The following ADGRB3 variants were observed in gnomAD, a reference collection of about 807,000 sequenced individuals.
ADGRB3 encodes the protein adhesion G protein-coupled receptor B3.
Under a neutral mutation model 193.4 loss-of-function variants are expected in ADGRB3, and 37 were observed. The ratio of observed to expected loss-of-function variants is 0.19; its 90% CI spans 0.15 to 0.25. ADGRB3 has a LOEUF of 0.25. ADGRB3 is among the 10% of genes least tolerant of loss of function. The pLI, the probability that ADGRB3 is intolerant of heterozygous loss-of-function variation, is 1.00. For missense variants in ADGRB3, 1,637 were observed against 1,852.9 expected, an observed-to-expected ratio of 0.88 and a Z score of 2.14; for synonymous variants, 690 against 644.2, an observed-to-expected ratio of 1.07 and a Z score of -1.08.
chr6:69,316,469 C>T (rs1383249374), intron 20 of ADGRB3, among the ~76,000 whole-genome samples: 1 of 151,282 alleles, frequency 6.6e-6, no homozygotes, highest in East Asian at 1.9e-4. Context: ...TGGATAATTT[C>T]CTAAGAAAAC....
At chr6:69,258,067 A>G (rs548423688) in intron 20 of ADGRB3, among the ~76,000 whole-genome samples, 1 of 152,320 alleles carries the variant, frequency 6.6e-6, no homozygotes, top group Admixed American at 6.5e-5. Flanking sequence ...GAGAATTTGA[A>G]TGAAATCTCT....
chr6:68,648,812 A>G (rs748420630), intron 3 of ADGRB3, among the ~76,000 whole-genome samples: 2 of 150,846 alleles, frequency 1.3e-5, no homozygotes, highest in African/African-American at 2.4e-5. Context: ...AAATTTCTAT[A>G]TTTATGTACC....
chr6:69,235,329 G>T (rs1400116734), intron 19 of ADGRB3, among the ~76,000 whole-genome samples, 194 bp downstream of exon 19: 1 of 152,012 alleles, frequency 6.6e-6, no homozygotes, highest in Non-Finnish European at 1.5e-5. Context: ...ATATTTGCCT[G>T]AGTTAAGAAA....
intron 17 of ADGRB3, among the ~76,000 whole-genome samples, chr6:69,154,677 C>G (rs190777902): frequency 6.6e-6 from 1 of 152,306 alleles, no homozygotes; most frequent in Non-Finnish European, 1.5e-5. Flanking sequence ...GTGTCAGTCC[C>G]TCTGCTAACG....
intron 20 of ADGRB3, among the ~76,000 whole-genome samples, chr6:69,268,993 AT>A: frequency 6.6e-6 from 1 of 152,252 alleles, no homozygotes; most frequent in African/African-American, 2.4e-5. Context: ...ATCATCATAA[AT>A]ATTATTCTTT....
chr6:68,665,353 T>C (rs906482297), intron 3 of ADGRB3, among the ~76,000 whole-genome samples: 4 of 151,836 alleles, frequency 2.6e-5, no homozygotes, highest in African/African-American at 4.8e-5. Flanking sequence ...GTTGTGCCAA[T>C]TGGGTTTCAA....
At chr6:68,723,913 T>C (rs1191324751) in intron 3 of ADGRB3, among the ~76,000 whole-genome samples, 1 of 151,658 alleles carries the variant, frequency 6.6e-6, no homozygotes, top group Non-Finnish European at 1.5e-5. Context: ...CTGACATCTG[T>C]TATCATCTAG....
At chr6:68,692,757 C>A (rs945914907) in intron 3 of ADGRB3, among the ~76,000 whole-genome samples, 5 of 151,154 alleles carry the variant, frequency 3.3e-5, no homozygotes, top group African/African-American at 7.3e-5. Flanking sequence ...AATTATATTT[C>A]TTCATCTGTA....
intron 3 of ADGRB3, among the ~76,000 whole-genome samples, chr6:68,704,467 C>T (rs1226446114): frequency 6.6e-6 from 1 of 152,090 alleles, no homozygotes; most frequent in Non-Finnish European, 1.5e-5. Context: ...ATATTTCTAT[C>T]AATAACTTTG....
intron 3 of ADGRB3, among the ~76,000 whole-genome samples, chr6:68,747,778 T>C (rs1766112632): frequency 6.6e-6 from 1 of 152,166 alleles, no homozygotes; most frequent in Non-Finnish European, 1.5e-5. Context: ...CCACAGCCCT[T>C]AAGTTATCAT....
chr6:68,894,666 G>A (rs1481533459), intron 3 of ADGRB3, among the ~76,000 whole-genome samples: 1 of 151,876 alleles, frequency 6.6e-6, no homozygotes, highest in Non-Finnish European at 1.5e-5. Flanking sequence ...CATGGCCTGT[G>A]AAATTCAGAT....
At chr6:69,225,795 G>A (rs564333217) in intron 17 of ADGRB3, among the ~76,000 whole-genome samples, 60 of 152,218 alleles carry the variant, frequency 3.9e-4, no homozygotes, top group African/African-American at 1.4e-3. Flanking sequence ...TTTAGTGTAA[G>A]AAATTTTTTA....
intron 19 of ADGRB3, among the ~76,000 whole-genome samples, chr6:69,236,034 G>A (rs1230026049): frequency 6.6e-6 from 1 of 151,748 alleles, no homozygotes; most frequent in Non-Finnish European, 1.5e-5. Flanking sequence ...TATTAGAATT[G>A]CAAAAGTAGA....
chr6:68,796,536 C>G (rs1455116962), intron 3 of ADGRB3, among the ~76,000 whole-genome samples: 1 of 152,134 alleles, frequency 6.6e-6, no homozygotes, highest in East Asian at 1.9e-4. Context: ...TATTTTGTCT[C>G]AAAACTTCAG....
Position 68,956,184 on chromosome 6 carries a change from T to C in ADGRB3, c.1356T>C (p.Cys452=). ...AESRECYNPE[C]TANGQWNQWG... Reference sequence around the variant, plus strand: ...GCAGAGAGTGCTATAACCCTGAATGTACAGGTAGGGCTTGATTCCTGCATA... The same window carrying C: ...GCAGAGAGTGCTATAACCCTGAATGCACAGGTAGGGCTTGATTCCTGCATA... The change falls in exon 7 of 32, where the codon TGT becomes TGC. Residue 452 remains cysteine, a synonymous_variant. Coordinates refer to ENST00000370598, the MANE Select transcript of ADGRB3 (RefSeq NM_001704.3). 1 of 1,608,760 alleles carries C rather than the reference T, an allele frequency of 6.2e-7. No homozygotes were observed.
intron 20 of ADGRB3, among the ~76,000 whole-genome samples, chr6:69,271,817 G>A (rs1032692965): frequency 6.6e-6 from 1 of 151,862 alleles, no homozygotes; most frequent in African/African-American, 2.4e-5. Flanking sequence ...CAGATTTTTT[G>A]TTTTAGCCTT....
chr6:69,146,250 T>A (rs964665557), intron 17 of ADGRB3, among the ~76,000 whole-genome samples: 3 of 152,202 alleles, frequency 2.0e-5, no homozygotes, highest in Non-Finnish European at 4.4e-5. Context: ...GGCATGTCAG[T>A]GCTGCCCTAA....
intron 17 of ADGRB3, among the ~76,000 whole-genome samples, chr6:69,193,342 A>G (rs1765233150): frequency 6.6e-6 from 1 of 152,140 alleles, no homozygotes; most frequent in Non-Finnish European, 1.5e-5. Context: ...AACTAAAACA[A>G]AAACTTTTTT....
At chr6:69,114,502 C>T (rs1238665775) in intron 17 of ADGRB3, among the ~76,000 whole-genome samples, 1 of 152,124 alleles carries the variant, frequency 6.6e-6, no homozygotes, top group East Asian at 1.9e-4. Context: ...TGCAGAAGCC[C>T]TTTAGATTAA....
Sources: allele counts gnomAD v4.1 joint callset (sites outside exome capture counted in the v4.1 genomes callset), GRCh38; gene constraint gnomAD v4.1.1; transcripts MANE v1.5; gene names NCBI Gene and HGNC (gene_info 2026-07-23, HGNC 2026-07-21).